The following NOVA1 variants were observed in gnomAD, a reference collection of about 807,000 sequenced individuals.
NOVA1 encodes the protein RNA-binding protein Nova-1.
Under a neutral mutation model 38.0 loss-of-function variants are expected in NOVA1, and 7 were observed. The ratio of observed to expected loss-of-function variants is 0.18; its 90% CI spans 0.10 to 0.35. The LOEUF is 0.35. Among genes scored for constraint, NOVA1 ranks in the 10% least tolerant of loss-of-function variants. The probability of loss-of-function intolerance (pLI) is 1.00; values close to 1 mark genes in which losing one functional copy is unlikely to be tolerated. For synonymous variants in NOVA1, 270 were observed against 232.5 expected (o/e 1.16, Z -1.47); for missense variants, 460 against 616.0 (o/e 0.75, Z 2.68).
chr14:26,552,832 A>AAAT, intron 2 of NOVA1, among the ~76,000 whole-genome samples: 1 of 152,322 alleles, frequency 6.6e-6, no homozygotes, highest in East Asian at 1.9e-4. Flanking sequence ...AGCATTACTT[A>AAAT]AATGAAGAAT....
At chr14:26,491,892 A>C (rs1886376725) in intron 2 of NOVA1, among the ~76,000 whole-genome samples, 1 of 151,910 alleles carries the variant, frequency 6.6e-6, no homozygotes, top group Non-Finnish European at 1.5e-5. Context: ...TAATTTTTCA[A>C]TATTGTTTTA....
At chr14:26,592,797 G>A (rs894937703) in intron 2 of NOVA1, 14 of 151,600 alleles carry the variant, frequency 9.2e-5, no homozygotes, top group Middle Eastern at 6.3e-3. Context: ...AGTACCTATC[G>A]TTTGAGTTAA....
intron 4 of NOVA1, among the ~76,000 whole-genome samples, chr14:26,451,395 T>G (rs1882662728): frequency 6.6e-6 from 1 of 152,102 alleles, no homozygotes; most frequent in African/African-American, 2.4e-5. Flanking sequence ...AGAGACGGAG[T>G]CTTGCTCTGT....
chr14:26,596,518 T>C, intron 1 of NOVA1: 2 of 1,279,926 alleles, frequency 1.6e-6, no homozygotes, highest in Non-Finnish European at 1.0e-6. Context: ...TGTTGTGGTG[T>C]GCCACTCAAA....
chr14:26,506,900 T>C (rs975131121), intron 2 of NOVA1, among the ~76,000 whole-genome samples: 1 of 152,168 alleles, frequency 6.6e-6, no homozygotes, highest in African/African-American at 2.4e-5. Context: ...CTTTAAGGAC[T>C]ATCAACACAT....
chr14:26,526,263 T>A (rs1889290499), intron 2 of NOVA1, among the ~76,000 whole-genome samples: 1 of 152,204 alleles, frequency 6.6e-6, no homozygotes, highest in Non-Finnish European at 1.5e-5. Context: ...CTGGTGTAAT[T>A]TATTGATGAC....
intron 2 of NOVA1, among the ~76,000 whole-genome samples, chr14:26,548,989 C>T (rs775814395): frequency 4.6e-5 from 7 of 151,874 alleles, no homozygotes; most frequent in Non-Finnish European, 1.0e-4. Context: ...GTTGTGGTAG[C>T]GCATGCCTGT....
At chr14:26,575,491 T>C (rs1892784468) in intron 2 of NOVA1, among the ~76,000 whole-genome samples, 1 of 152,188 alleles carries the variant, frequency 6.6e-6, no homozygotes. Context: ...TCACAGATTT[T>C]AAGCTTTAAT....
chr14:26,566,230 G>C (rs1019218581), intron 2 of NOVA1, among the ~76,000 whole-genome samples: 2 of 152,068 alleles, frequency 1.3e-5, no homozygotes, highest in Non-Finnish European at 2.9e-5. Flanking sequence ...CTAAGGAAAT[G>C]TCATACTTAT....
chr14:26,577,422 A>G (rs1324710971), intron 2 of NOVA1, among the ~76,000 whole-genome samples: 1 of 152,136 alleles, frequency 6.6e-6, no homozygotes, highest in Non-Finnish European at 1.5e-5. Flanking sequence ...AGTCTGGTCA[A>G]CCAAGTAACT....
intron 2 of NOVA1, among the ~76,000 whole-genome samples, chr14:26,526,705 C>T (rs1339386833): frequency 6.6e-6 from 1 of 152,018 alleles, no homozygotes; most frequent in African/African-American, 2.4e-5. Flanking sequence ...TCAGTTTTGC[C>T]TTGAATTTAG....
At chr14:26,551,029 T>C (rs996958412) in intron 2 of NOVA1, among the ~76,000 whole-genome samples, 2 of 152,012 alleles carry the variant, frequency 1.3e-5, no homozygotes, top group Non-Finnish European at 2.9e-5. Context: ...ACATATGAAA[T>C]TTAAGAAATC....
At chr14:26,597,117 CTAGGCGCGGGGCAGGTGCAGGGGAG>C (rs1162311004) in intron 1 of NOVA1, 159 bp downstream of exon 1, 1 of 1,228,164 alleles carries the variant, frequency 8.1e-7, no homozygotes, top group Non-Finnish European at 1.0e-6. Context: ...TCGGGGACAC[CTAGGCGCGGGGCAGGTGCAGGGGAG>C]GGGGCGCGGG....
Position 26,521,244 on chromosome 14 carries a change from C to T in NOVA1, c.281-41101G>A, listed in dbSNP as rs145912847. On this transcript the variant is annotated intron_variant, in intron 2 of 4. Coordinates refer to ENST00000539517, the MANE Select transcript of NOVA1 (RefSeq NM_002515.3). Reference sequence around the variant, plus strand: ...CCAGCAGAATTAGGTTGAAAACTGACATGTTAATATATTTCATACCTTACA... The same window carrying T: ...CCAGCAGAATTAGGTTGAAAACTGATATGTTAATATATTTCATACCTTACA... Among the ~76,000 whole-genome samples the T allele has an allele frequency of 9.2e-5, 14 of 152,042 alleles. No homozygotes were observed. The East Asian group carries it at 2.7e-3, about 29-fold the overall frequency.
At chr14:26,534,590 C>G (rs1250230022) in intron 2 of NOVA1, among the ~76,000 whole-genome samples, 2 of 151,848 alleles carry the variant, frequency 1.3e-5, no homozygotes, top group Non-Finnish European at 2.9e-5. Context: ...TCAATAAAAT[C>G]AATGGAAATA....
intron 2 of NOVA1, chr14:26,519,665 C>T (rs1888730994): frequency 6.6e-6 from 1 of 152,058 alleles, no homozygotes; most frequent in African/African-American, 2.4e-5. Context: ...CTAACATGTA[C>T]TTTGAATTGT....
intron 4 of NOVA1, 41 bp from the exon 5 acceptor site, chr14:26,449,004 T>C: frequency 6.5e-7 from 1 of 1,528,016 alleles, no homozygotes; most frequent in Non-Finnish European, 8.9e-7. Flanking sequence ...ACTTCTGTTT[T>C]GTGCATATAC....
At chr14:26,477,377 T>C (rs1297342594) in intron 3 of NOVA1, among the ~76,000 whole-genome samples, 1 of 152,144 alleles carries the variant, frequency 6.6e-6, no homozygotes. Flanking sequence ...AAAATACATA[T>C]ATGAATTAAG....
rs1893825556 is a variant in NOVA1 at position 26,591,240 on chromosome 14, T to C, written c.280+4170A>G. 1.3e-5 allele frequency among the ~76,000 whole-genome samples: 2 copies of C among 151,712 alleles called. 1 individual carries two copies. The highest frequency in any genetic ancestry group is 4.1e-4 in the South Asian group (2 of 4,836). ...ATTATGTTTCTCCTTCAACTGTAGA[T>C]ATAGAGATAAAAGATAAAAGTAACC... On this transcript the variant is annotated intron_variant, in intron 2 of 4. Coordinates refer to ENST00000539517, the MANE Select transcript of NOVA1 (RefSeq NM_002515.3).
Sources: allele counts gnomAD v4.1 joint callset (sites outside exome capture counted in the v4.1 genomes callset), GRCh38; gene constraint gnomAD v4.1.1; transcripts MANE v1.5; gene names NCBI Gene and HGNC (gene_info 2026-07-23, HGNC 2026-07-21).